The following ZFHX3 variants were observed in gnomAD, a reference collection of about 807,000 sequenced individuals.
ZFHX3 encodes the protein zinc finger homeobox protein 3.
A neutral mutation model predicts 279.1 loss-of-function variants in ZFHX3; 42 were observed. The ratio of observed to expected loss-of-function variants is 0.15; its 90% CI spans 0.12 to 0.19. The LOEUF (loss-of-function observed/expected upper bound fraction) is 0.19, where lower values mean the gene tolerates loss of function less well. Ranked by LOEUF, ZFHX3 falls within the 10% of genes least tolerant of loss-of-function variation. The probability of loss-of-function intolerance (pLI) is 1.00; values close to 1 mark genes in which losing one functional copy is unlikely to be tolerated. For synonymous variants in ZFHX3, 2,293 were observed against 1,957.8 expected (o/e 1.17, Z -4.52); for missense variants, 4,981 against 4,754.0 (o/e 1.05, Z -1.40).
chr16:73,104,663 G>A (rs920002136), intron 7 of ZFHX3, among the ~76,000 whole-genome samples: 6 of 152,196 alleles, frequency 3.9e-5, no homozygotes, highest in African/African-American at 7.2e-5. Flanking sequence ...CTGTACAAGC[G>A]TAATGGGAAC....
intron 3 of ZFHX3, among the ~76,000 whole-genome samples, chr16:73,331,552 C>T (rs1007235753): frequency 5.3e-5 from 8 of 152,154 alleles, no homozygotes; most frequent in African/African-American, 1.7e-4. Context: ...GAGAGTACAT[C>T]CACAATTGTG....
chr16:73,086,500 T>C (rs137954886), intron 8 of ZFHX3, among the ~76,000 whole-genome samples: 4 of 152,320 alleles, frequency 2.6e-5, no homozygotes, highest in Non-Finnish European at 5.9e-5. Context: ...AAATGTGGTA[T>C]ATATACACAA....
intron 1 of ZFHX3, among the ~76,000 whole-genome samples, chr16:73,739,047 C>T (rs1350834643): frequency 2.0e-5 from 3 of 152,198 alleles, no homozygotes; most frequent in Non-Finnish European, 2.9e-5. Context: ...CTCTGTCCCT[C>T]GGACAAGGAG....
intron 1 of ZFHX3, among the ~76,000 whole-genome samples, chr16:73,691,470 G>C (rs2053149107): frequency 6.6e-6 from 1 of 152,186 alleles, no homozygotes; most frequent in African/African-American, 2.4e-5. Flanking sequence ...TTTAGAATAA[G>C]ACAAATATGG....
At chr16:73,774,524 C>CTCAA (rs2054055541) in intron 1 of ZFHX3, among the ~76,000 whole-genome samples, 1 of 152,214 alleles carries the variant, frequency 6.6e-6, no homozygotes, top group Non-Finnish European at 1.5e-5. Context: ...TACCTCCAGA[C>CTCAA]TCAATCTTTA....
chr16:72,937,782 C>T lies in ZFHX3; in HGVS notation c.3216+12687G>A, dbSNP rs145005044. Among the ~76,000 whole-genome samples, 409 of 152,356 alleles carry T rather than the reference C, an allele frequency of 2.7e-3. 1 individual carries two copies. Among genetic ancestry groups the T allele is most frequent in the Middle Eastern group, 0.014 (4 of 294 alleles). On this transcript the variant is annotated intron_variant, in intron 3 of 9. Transcript: ENST00000268489. ...CTCCTCTCACTTCCTGACCTTCCTC[C>T]TCTGCCTCCAAGAGCCTTTTTTTGG...
intron 1 of ZFHX3, among the ~76,000 whole-genome samples, chr16:73,694,020 T>C (rs1199220506): frequency 1.2e-5 from 1 of 85,274 alleles, no homozygotes; most frequent in Non-Finnish European, 2.6e-5. Flanking sequence ...TGTTTCGTTT[T>C]AGCTAAAAAA....
At chr16:73,127,405 G>T (rs924688486) in intron 7 of ZFHX3, 2 of 1,305,456 alleles carry the variant, frequency 1.5e-6, no homozygotes, top group Admixed American at 2.3e-5. Flanking sequence ...TGGGGCCAGA[G>T]CCTTCCCAGG....
chr16:73,247,082 A>G (rs1198396556), intron 5 of ZFHX3, among the ~76,000 whole-genome samples: 1 of 151,412 alleles, frequency 6.6e-6, no homozygotes, highest in East Asian at 1.9e-4. Flanking sequence ...GTGTATGTGT[A>G]TGTGTGTGTA....
At chr16:73,748,710 T>C (rs2053727475) in intron 1 of ZFHX3, among the ~76,000 whole-genome samples, 1 of 152,324 alleles carries the variant, frequency 6.6e-6, no homozygotes. Flanking sequence ...GAAGAGCCCT[T>C]GGTCTTATAG....
chr16:72,928,062 C>A (rs995513615), intron 3 of ZFHX3, among the ~76,000 whole-genome samples: 1 of 136,716 alleles, frequency 7.3e-6, no homozygotes, highest in Non-Finnish European at 1.6e-5. Flanking sequence ...GGCCAGGCAA[C>A]GGGTTTAACC....
chr16:73,150,180 T>G (rs1472137679), intron 5 of ZFHX3, among the ~76,000 whole-genome samples: 2 of 152,086 alleles, frequency 1.3e-5, no homozygotes, highest in Non-Finnish European at 2.9e-5. Flanking sequence ...GATTCACTCT[T>G]CCCCCACCAC....
chr16:72,989,653 G>A (rs912851863), intron 1 of ZFHX3, among the ~76,000 whole-genome samples: 2 of 152,162 alleles, frequency 1.3e-5, no homozygotes, highest in African/African-American at 4.8e-5. Flanking sequence ...TTCCAGGGCA[G>A]AAGGAAGAAA....
chr16:73,628,758 A>G lies in ZFHX3; in HGVS notation c.-1547+51422T>C, dbSNP rs568446351. ...TTATGTTCCTTAAATAATCTAAAAT[A>G]TAATACTAAAAGCAGCAAGCGTTTA... is the stretch of plus-strand genomic sequence containing the variant. On this transcript the variant is annotated intron_variant, in intron 2 of 17. Transcript: ENST00000641206. Among the ~76,000 whole-genome samples the G allele has an allele frequency of 5.3e-5, 8 of 152,316 alleles. No individual in the cohort carries two copies. In the South Asian group the frequency reaches 1.5e-3, roughly 28 times the overall value.
chr16:73,590,868 C>G (rs1293507442), intron 2 of ZFHX3, among the ~76,000 whole-genome samples: 1 of 152,094 alleles, frequency 6.6e-6, no homozygotes, highest in East Asian at 1.9e-4. Context: ...GTGTCATCTC[C>G]TGATGGGGGA....
At chr16:73,077,965 C>T (rs1397347200) in intron 8 of ZFHX3, among the ~76,000 whole-genome samples, 1 of 152,110 alleles carries the variant, frequency 6.6e-6, no homozygotes, top group Non-Finnish European at 1.5e-5. Context: ...CCACCACGCC[C>T]AGCTAATTTT....
intron 5 of ZFHX3, among the ~76,000 whole-genome samples, chr16:73,149,514 C>T (rs1966890488): frequency 6.6e-6 from 1 of 152,096 alleles, no homozygotes; most frequent in Non-Finnish European, 1.5e-5. Context: ...AGGAAATGAA[C>T]CAAAGTCCAT....
At chr16:72,944,031 T>A (rs959029931) in intron 3 of ZFHX3, among the ~76,000 whole-genome samples, 5 of 152,180 alleles carry the variant, frequency 3.3e-5, no homozygotes, top group Non-Finnish European at 7.3e-5. Context: ...TAAAACAAAC[T>A]GACACTTTGG....
At position 72,794,119 on chromosome 16, in the gene ZFHX3, T is replaced by C. The variant is rs1163319371; in HGVS notation, c.8563A>G (p.Asn2855Asp). 1.2e-6 allele frequency: 2 copies of C among 1,614,252 alleles called. No individual in the cohort carries two copies. The highest frequency in any genetic ancestry group is 1.1e-5 in the South Asian group (1 of 91,090). Reference sequence around the variant, plus strand: ...GTTGCTATTCCCGTTGCACTGTCGTTATCTGCGTTGCCCTCGTCTCCAGTT... The same window carrying C: ...GTTGCTATTCCCGTTGCACTGTCGTCATCTGCGTTGCCCTCGTCTCCAGTT... ...TTTGDEGNAD[N>D]DSATGIATET... is the part of the protein sequence containing the mutation. The change falls in exon 9 of 10, where the codon AAC (asparagine) becomes GAC (aspartate). Residue 2855 changes from asparagine to aspartate, a missense_variant. Asn to Asp is a conservative substitution (Grantham distance 23). Coordinates refer to ENST00000268489, the MANE Select transcript of ZFHX3 (RefSeq NM_006885.4). The surrounding 1 kb of genome is among the most constrained non-coding windows in gnomAD (Gnocchi z 4.2).
Sources: allele counts gnomAD v4.1 joint callset (sites outside exome capture counted in the v4.1 genomes callset), GRCh38; gene constraint gnomAD v4.1.1; non-coding constraint Gnocchi (gnomAD v3.1); transcripts MANE v1.5; gene names NCBI Gene and HGNC (gene_info 2026-07-23, HGNC 2026-07-21).